PDLIM3: variants seen among roughly 807,000 people sequenced by gnomAD.
The protein encoded by PDLIM3 is PDZ and LIM domain protein 3.
PDLIM3 carries 36 observed loss-of-function variants against 37.3 expected under a neutral mutation model. The ratio of observed to expected loss-of-function variants is 0.97; its 90% CI spans 0.74 to 1.28. The LOEUF (loss-of-function observed/expected upper bound fraction) is 1.28, where lower values mean the gene tolerates loss of function less well. PDLIM3 is among the 50% of genes most tolerant of loss of function. The pLI, the probability that PDLIM3 is intolerant of heterozygous loss-of-function variation, is 0.00. For missense variants in PDLIM3, 454 were observed against 485.0 expected (o/e 0.94, Z 0.60); for synonymous variants, 174 against 182.4 (o/e 0.95, Z 0.37).
rs978891432 is a variant in PDLIM3, at chr4:185,513,029, T to A, written c.398+1241A>T. The A allele has an allele frequency of 1.9e-5, 19 of 985,330 alleles. No homozygotes were observed. The African/African-American group carries it at 3.1e-4, about 16-fold the overall frequency. The allele number at this position is 985,330 out of a possible 1,614,324, so 61.0% of individuals were successfully genotyped here. On this transcript the variant is annotated intron_variant, in intron 4 of 7. Transcript: ENST00000284767. ...GCACCCTCAGGATTTGATTCCTTTA[T>A]CCAGTGAGCATTTATTGGGCATTTA...
intron 1 of PDLIM3, among the ~76,000 whole-genome samples, chr4:185,531,967 G>A (rs189843064): frequency 8.8e-4 from 133 of 151,626 alleles, no homozygotes; most frequent in Non-Finnish European, 1.3e-3. Context: ...GTATGGTGGC[G>A]GGTGCTTGTA....
At chr4:185,507,712 G>A (rs2095699982) in intron 5 of PDLIM3, among the ~76,000 whole-genome samples, 1 of 152,054 alleles carries the variant, frequency 6.6e-6, no homozygotes, top group South Asian at 2.1e-4. Flanking sequence ...GAAAAAATTA[G>A]TCAAAAAGAG....
At chr4:185,506,705 G>A (rs1445481164) in intron 5 of PDLIM3, 53 bp from the exon 6 acceptor site, 10 of 1,575,904 alleles carry the variant, frequency 6.3e-6, no homozygotes, top group Admixed American at 5.0e-5. Flanking sequence ...GGCACCAGAC[G>A]TGCAAGAGGC....
At chr4:185,528,902 C>T (rs144655876) in intron 1 of PDLIM3, among the ~76,000 whole-genome samples, 20 of 152,300 alleles carry the variant, frequency 1.3e-4, no homozygotes, top group African/African-American at 3.4e-4. Flanking sequence ...GTTTTCCCTG[C>T]ATTACTTTAT....
intron 2 of PDLIM3, 135 bp downstream of exon 2, chr4:185,524,885 T>C (rs1046290045): frequency 2.6e-6 from 2 of 779,714 alleles, no homozygotes; most frequent in African/African-American, 3.4e-5. Context: ...AAGAATTAAG[T>C]AGCTAATATA....
intron 5 of PDLIM3, chr4:185,507,233 A>G (rs1389091368): frequency 6.5e-6 from 1 of 152,892 alleles, no homozygotes; most frequent in Non-Finnish European, 1.5e-5. Flanking sequence ...GAAAGCCTGT[A>G]ATGTAGAAAC....
rs976216773 is a variant in PDLIM3 at position 185,502,444 on chromosome 4, A to G, written c.945T>C (p.Pro315=). The G allele has an allele frequency of 2.5e-6, 4 of 1,614,102 alleles. No individual in the cohort carries two copies. Among genetic ancestry groups the G allele is most frequent in the Admixed American group, 1.7e-5 (1 of 60,006 alleles). Reference sequence around the variant, plus strand: ...TGCAGTCGGCACACACGAAGCACTCAGGGTGCCGGTACTTATCCCGCGCCT... The same window carrying G: ...TGCAGTCGGCACACACGAAGCACTCGGGGTGCCGGTACTTATCCCGCGCCT... ...VVKARDKYRH[P]ECFVCADCNL... is the part of the protein sequence containing the mutation. The change falls in exon 8 of 8, where the codon CCT becomes CCC. Residue 315 remains proline, a synonymous_variant. Coordinates refer to ENST00000284767, the MANE Select transcript of PDLIM3 (RefSeq NM_014476.6).
At chr4:185,519,544 C>T (rs2095719725) in intron 3 of PDLIM3, among the ~76,000 whole-genome samples, 1 of 152,198 alleles carries the variant, frequency 6.6e-6, no homozygotes, top group African/African-American at 2.4e-5. Context: ...GCCTCGGCCT[C>T]CCAAAGTGCT....
At chr4:185,527,432 C>G (rs1011757538) in intron 1 of PDLIM3, among the ~76,000 whole-genome samples, 1 of 152,196 alleles carries the variant, frequency 6.6e-6, no homozygotes, top group Non-Finnish European at 1.5e-5. Flanking sequence ...GATCTTCTGT[C>G]TCATTACTAA....
chr4:185,527,730 T>C (rs1370944304), intron 1 of PDLIM3, among the ~76,000 whole-genome samples: 1 of 152,176 alleles, frequency 6.6e-6, no homozygotes, highest in Non-Finnish European at 1.5e-5. Flanking sequence ...TTTTTAAATG[T>C]CTAAGACTAG....
At chr4:185,513,282 T>C in intron 4 of PDLIM3, 4 of 985,314 alleles carry the variant, frequency 4.1e-6, no homozygotes, top group Non-Finnish European at 3.6e-6. Context: ...GTCTGGCATA[T>C]TTTGAGACAA....
At position 185,535,458 on chromosome 4, in the gene PDLIM3, G is replaced by C. The variant is rs1428300436; in HGVS notation, c.-24C>G. 6.4e-7 allele frequency: 1 copy of C among 1,563,892 alleles called. No individual in the cohort carries two copies. Among genetic ancestry groups the C allele is most frequent in the East Asian group, 2.4e-5 (1 of 41,698 alleles). On this transcript the variant is annotated 5_prime_UTR_variant, in exon 1 of 8. Coordinates refer to ENST00000284767, the MANE Select transcript of PDLIM3 (RefSeq NM_014476.6). ...ATGCCGCCTTCCTCCCGCCCACCGG[G>C]CTCTAAGTGTCCCCGCGCAGGGCAG...
intron 4 of PDLIM3, chr4:185,512,963 C>T (rs947668652): frequency 2.3e-5 from 23 of 985,444 alleles, no homozygotes; most frequent in Non-Finnish European, 2.4e-5. Context: ...GGGAGCGAGA[C>T]GGCTCTGGAC....
At chr4:185,515,749 T>A (rs916547128) in intron 3 of PDLIM3, 14 of 152,192 alleles carry the variant, frequency 9.2e-5, no homozygotes, top group Admixed American at 2.0e-4. Flanking sequence ...TATAATTTTT[T>A]TTTTTAACGT....
At chr4:185,529,828 G>A (rs2095740819) in intron 1 of PDLIM3, among the ~76,000 whole-genome samples, 1 of 152,114 alleles carries the variant, frequency 6.6e-6, no homozygotes, top group Non-Finnish European at 1.5e-5. Flanking sequence ...AAGAAGCTTG[G>A]TTAGGGTCCC....
chr4:185,510,098 T>C (rs754621937), intron 4 of PDLIM3, among the ~76,000 whole-genome samples: 2 of 152,204 alleles, frequency 1.3e-5, no homozygotes, highest in Non-Finnish European at 2.9e-5. Context: ...TTTTGTACGA[T>C]CTATAGTGAC....
Position 185,504,500 on chromosome 4 carries a change from A to G in PDLIM3, c.880T>C (p.Cys294Arg). 2 of 1,613,992 alleles carry G rather than the reference A, an allele frequency of 1.2e-6. No homozygotes were observed. The highest frequency in any genetic ancestry group is 1.7e-6 in the Non-Finnish European group (2 of 1,179,818). Residue 294 changes from cysteine to arginine, a missense_variant, in exon 7 of 8, where the codon TGT (cysteine) becomes CGT (arginine). Coordinates refer to ENST00000284767, the MANE Select transcript of PDLIM3 (RefSeq NM_014476.6). The surrounding 1 kb of genome is among the most constrained non-coding windows in gnomAD (Gnocchi z 4.7). ...GSGGAQRMPL[C>R]DKCGSGIVGA... is the part of the protein sequence containing the mutation. ...ACTATGCCACTCCCACATTTGTCAC[A>G]GAGCGGCATCCTCTGTGCCCCGCCT...
chr4:185,525,010 T>G lies in PDLIM3; in HGVS notation c.245+10A>C. 7 of 1,613,890 alleles carry G rather than the reference T, an allele frequency of 4.3e-6. No homozygotes were observed. The highest frequency in any genetic ancestry group is 5.9e-6 in the Non-Finnish European group (7 of 1,179,758). Reference sequence around the variant, plus strand: ...CAGATCAGATTTAAGCACCATTAGTTAAGAAGCACCTGTCAATTTTGAGAC... The same window carrying G: ...CAGATCAGATTTAAGCACCATTAGTGAAGAAGCACCTGTCAATTTTGAGAC... On this transcript the variant is annotated intron_variant, in intron 2 of 7. Transcript: ENST00000284767.
chr4:185,500,891 C>G lies in PDLIM3; in HGVS notation c.*1403G>C, dbSNP rs1402612211. The G allele has an allele frequency of 2.0e-5, 3 of 152,418 alleles. No homozygotes were observed. The highest frequency in any genetic ancestry group is 2.9e-5 in the Non-Finnish European group (2 of 68,278). 9.4% of individuals were successfully genotyped at this position (152,418 alleles called of 1,614,324 possible). A position where few individuals can be genotyped will look rare whatever the true frequency, so the allele number is the denominator to read the frequency against. ...ATGGGAGGAGAACACTTGTTTCAGG[C>G]CAGAAGTTAGCAGCTGTGGGGGTTG... On this transcript the variant is annotated 3_prime_UTR_variant, in exon 8 of 8. Coordinates refer to ENST00000284767, the MANE Select transcript of PDLIM3 (RefSeq NM_014476.6).
Sources: gnomAD v4.1 joint callset for allele counts (sites outside exome capture counted in the v4.1 genomes callset) on GRCh38, gnomAD v4.1.1 for gene constraint, Gnocchi (gnomAD v3.1) non-coding constraint, MANE v1.5 for transcripts, NCBI Gene and HGNC (gene_info 2026-07-23, HGNC 2026-07-21) for gene names.